Variants in MACF1 observed in about 807,000 individuals in gnomAD.
The protein encoded by MACF1 is microtubule actin crosslinking factor 1, also known as microtubule-actin cross-linking factor 1.
MACF1 carries 193 observed loss-of-function variants against 854.8 expected under a neutral mutation model. The ratio of observed to expected loss-of-function variants is 0.23; its 90% CI spans 0.20 to 0.25. MACF1 has a LOEUF of 0.25. Among genes scored for constraint, MACF1 ranks in the 10% least tolerant of loss-of-function variants. The probability of loss-of-function intolerance (pLI) is 1.00; values close to 1 mark genes in which losing one functional copy is unlikely to be tolerated. For synonymous variants in MACF1, 3,185 were observed against 3,226.7 expected (o/e 0.99, Z 0.44); for missense variants, 7,722 against 8,929.1 (o/e 0.86, Z 5.45).
chr1:39,303,034 C>T lies in MACF1; in HGVS notation c.2745C>T (p.Phe915=). The change falls in exon 23 of 101, where the codon TTC becomes TTT. Residue 915 remains phenylalanine, a synonymous_variant. Coordinates refer to ENST00000564288, the MANE Select transcript of MACF1 (RefSeq NM_001394062.1). ...AGGCAATGGTGCCGTCAGTCTGCTT[C>T]CTCATCCCCCCACCCAATAAGGATG... ...GNEAMVPSVC[F]LIPPPNKDAI... is the part of the protein sequence containing the mutation. The T allele has an allele frequency of 6.2e-7, 1 of 1,614,188 alleles. No individual in the cohort carries two copies.
At chr1:39,442,645 T>C in intron 77 of MACF1, 69 bp from the exon 78 acceptor site, 4 of 1,609,268 alleles carry the variant, frequency 2.5e-6, no homozygotes, top group Non-Finnish European at 3.4e-6. Context: ...TTGAATGTTG[T>C]GTATATCTTA....
At chr1:39,386,581 G>A (rs1261887659) in intron 57 of MACF1, among the ~76,000 whole-genome samples, 1 of 152,106 alleles carries the variant, frequency 6.6e-6, no homozygotes, top group African/African-American at 2.4e-5. Context: ...ACAAGCACGT[G>A]CCACCATGCC....
At chr1:39,096,921 C>T (rs1415834502) in intron 2 of MACF1, among the ~76,000 whole-genome samples, 2 of 146,662 alleles carry the variant, frequency 1.4e-5, no homozygotes, top group East Asian at 2.0e-4. Context: ...CTGTCACCCA[C>T]GCTGGAGTGC....
At chr1:39,200,668 C>T (rs1162395954), upstream of MACF1, among the ~76,000 whole-genome samples, 1 of 150,912 alleles carries the variant, frequency 6.6e-6, no homozygotes, top group Non-Finnish European at 1.5e-5. Context: ...CACTGCACTG[C>T]AGCTTGGGTG....
At chr1:39,174,215 A>AG (rs940010094) in intron 2 of MACF1, among the ~76,000 whole-genome samples, 3 of 152,134 alleles carry the variant, frequency 2.0e-5, no homozygotes, top group African/African-American at 7.2e-5. Context: ...TCTATCACTT[A>AG]GTGTGATTTG....
In MACF1 at chr1:39,333,373, A is replaced by C. The variant is rs779097675; in HGVS notation, c.6785A>C (p.Glu2262Ala). 1 of 1,614,134 alleles carries C rather than the reference A, an allele frequency of 6.2e-7. No homozygotes were observed. Among genetic ancestry groups the C allele is most frequent in the Non-Finnish European group, 8.5e-7 (1 of 1,179,996 alleles). Residue 2262 changes from glutamate (E) to alanine (A), a missense_variant, in exon 37 of 101, where the codon GAG (glutamate) becomes GCG (alanine). Physicochemically the swap from Glu to Ala is moderately radical, Grantham distance 107. Around this residue, in one of 15 missense-constraint regions of MACF1, gnomAD observed 1,531 missense variants for 1,601.6 expected, o/e 0.96. Coordinates refer to ENST00000564288, the MANE Select transcript of MACF1 (RefSeq NM_001394062.1). ...GSMMMSEKTD[E>A]EDSGREIFLS... ...ATGATGATGTCAGAAAAGACCGATG[A>C]GGAAGATAGTGGCAGGGAAATTTTT...
At chr1:39,184,814 T>C (rs923473033) in intron 2 of MACF1, among the ~76,000 whole-genome samples, 1 of 152,158 alleles carries the variant, frequency 6.6e-6, no homozygotes, top group Non-Finnish European at 1.5e-5. Context: ...GAGGCTAGCA[T>C]TGATAATATT....
Position 39,258,064 on chromosome 1 carries a change from G to A in MACF1, c.528+36G>A, listed in dbSNP as rs774011466. 5.2e-6 allele frequency: 8 copies of A among 1,543,466 alleles called. No individual in the cohort carries two copies. The South Asian group carries it at 7.8e-5, about 15-fold the overall frequency. On this transcript the variant is annotated intron_variant, in intron 6 of 100. Coordinates refer to ENST00000564288, the MANE Select transcript of MACF1 (RefSeq NM_001394062.1). The stretch of plus-strand genomic sequence containing the variant: ...TGAAGTTTGGAATTCCTGTTGCTTT[G>A]TTTGGACATGGCCTAGAAAGTTGCA...
At chr1:39,352,985 A>G in intron 43 of MACF1, 22 bp from the exon 44 acceptor site, 1 of 1,588,954 alleles carries the variant, frequency 6.3e-7, no homozygotes, top group East Asian at 2.2e-5. Flanking sequence ...CCTTCTCACT[A>G]GACTACCTCG....
intron 2 of MACF1, among the ~76,000 whole-genome samples, chr1:39,090,240 C>T (rs1641771105): frequency 6.6e-6 from 1 of 152,236 alleles, no homozygotes; most frequent in Non-Finnish European, 1.5e-5. Flanking sequence ...AAGGCTCCTC[C>T]TCCTTCCCAG....
Position 39,448,140 on chromosome 1 carries a change from T to A in MACF1, c.20076T>A (p.Leu6692=), listed in dbSNP as rs1414006513. ...SNDPDKIKLQ[L]SKHKEFQKTL... is the part of the protein sequence containing the mutation. ...ACCCAGACAAAATTAAACTTCAGCT[T>A]TCTAAGCATAAGGTAAAGCAGTTAA... Residue 6692 remains leucine, a synonymous_variant, in exon 83 of 101, where the codon CTT becomes CTA. Transcript: ENST00000564288. 6.2e-7 allele frequency: 1 copy of A among 1,613,904 alleles called. No individual in the cohort carries two copies. The highest frequency in any genetic ancestry group is 8.5e-7 in the Non-Finnish European group (1 of 1,179,952).
At chr1:39,393,705 A>T (rs924575770) in intron 58 of MACF1, among the ~76,000 whole-genome samples, 1 of 151,990 alleles carries the variant, frequency 6.6e-6, no homozygotes, top group South Asian at 2.1e-4. Context: ...CTTACACAGG[A>T]GGCTGACGCA....
intron 45 of MACF1, among the ~76,000 whole-genome samples, chr1:39,358,134 CTGATGG>C (rs1647753507): frequency 6.6e-6 from 1 of 152,260 alleles, no homozygotes; most frequent in Non-Finnish European, 1.5e-5. Flanking sequence ...GTATATCACA[CTGATGG>C]TGAAGGTGGA....
At chr1:39,451,602 A>G (rs753440235) in intron 85 of MACF1, among the ~76,000 whole-genome samples, 1 of 152,100 alleles carries the variant, frequency 6.6e-6, no homozygotes, top group Non-Finnish European at 1.5e-5. Flanking sequence ...CAGGCACGCC[A>G]ATATTTAACA....
intron 58 of MACF1, among the ~76,000 whole-genome samples, chr1:39,389,309 G>A (rs1037434073): frequency 7.0e-6 from 1 of 141,900 alleles, no homozygotes; most frequent in African/African-American, 2.6e-5. Context: ...ACCAGATTTT[G>A]TAATAGCAGT....
chr1:39,212,925 C>T (rs999632895), intron 1 of MACF1, among the ~76,000 whole-genome samples: 3 of 152,170 alleles, frequency 2.0e-5, no homozygotes, highest in South Asian at 2.1e-4. Context: ...TGTGCCTGGC[C>T]GAGTTAAATG....
intron 2 of MACF1, among the ~76,000 whole-genome samples, chr1:39,233,522 AG>A (rs1297628647): frequency 6.6e-6 from 1 of 152,146 alleles, no homozygotes; most frequent in Non-Finnish European, 1.5e-5. Context: ...TGATGGGCTT[AG>A]GTCTTCTTTT....
intron 36 of MACF1, 95 bp downstream of exon 36, chr1:39,327,448 C>G: frequency 2.3e-6 from 3 of 1,316,348 alleles, no homozygotes; most frequent in Non-Finnish European, 1.0e-6. Flanking sequence ...ACTAGCTTTC[C>G]ATGACCAATG....
chr1:39,300,679 G>C (rs1034179736), intron 22 of MACF1, among the ~76,000 whole-genome samples: 1 of 151,960 alleles, frequency 6.6e-6, no homozygotes, highest in Non-Finnish European at 1.5e-5. Context: ...ACAGCTAATA[G>C]GACCATCAAG....
Sources: allele counts gnomAD v4.1 joint callset (sites outside exome capture counted in the v4.1 genomes callset), GRCh38; gene constraint gnomAD v4.1.1; regional missense constraint gnomAD v4.1.1; transcripts MANE v1.5; gene names NCBI Gene and HGNC (gene_info 2026-07-23, HGNC 2026-07-21).